The following FEZF2 variants were observed in gnomAD, a reference collection of about 807,000 sequenced individuals.
FEZF2 encodes the protein FEZ family zinc finger 2.
Under a neutral mutation model 32.8 loss-of-function variants are expected in FEZF2, and 2 were observed. The ratio of observed to expected loss-of-function variants is 0.06; its 90% CI spans 0.02 to 0.19. The LOEUF is 0.19. FEZF2 is among the 10% of genes least tolerant of loss of function. The pLI is 1.00. For synonymous variants in FEZF2, 322 were observed against 284.8 expected (o/e 1.13, Z -1.32); for missense variants, 516 against 625.4 (o/e 0.83, Z 1.87).
chr3:62,371,739 G>C, intron 2 of FEZF2, 72 bp from the exon 3 acceptor site: 1 of 1,543,310 alleles, frequency 6.5e-7, no homozygotes, highest in African/African-American at 1.4e-5. Flanking sequence ...GGGGGCCACA[G>C]CCTACCTCCC....
chr3:62,369,991 GT>G lies in FEZF2; in HGVS notation c.*91del, dbSNP rs3215030. ...AATAGATTTTAGCCTCTCTGCTATA[GT>G]TTTTTTTTCTTTTAATTTTAGAAAT... On this transcript the variant is annotated 3_prime_UTR_variant, in exon 5 of 5. Coordinates refer to ENST00000283268, the MANE Select transcript of FEZF2 (RefSeq NM_018008.4). This position sits in a 1 kb window ranked among gnomAD's most constrained non-coding sequence, Gnocchi z 4.2. 152 of 1,342,948 alleles carry G rather than the reference GT, an allele frequency of 1.1e-4. No homozygotes were observed. Among genetic ancestry groups the G allele is most frequent in the African/African-American group, 8.7e-4 (59 of 68,050 alleles). The allele number at this position is 1,342,948 out of a possible 1,614,324, so 83.2% of individuals were successfully genotyped here.
chr3:62,373,095 T>A lies in FEZF2; in HGVS notation c.-58-169A>T. The A allele has an allele frequency of 3.9e-6, 1 of 255,634 alleles. No homozygotes were observed. The highest frequency in any genetic ancestry group is 1.9e-4 in the South Asian group (1 of 5,342). The allele number at this position is 255,634 out of a possible 1,614,324, so 15.8% of individuals were successfully genotyped here. A position where few individuals can be genotyped will look rare whatever the true frequency, so the allele number is the denominator to read the frequency against. On this transcript the variant is annotated intron_variant, in intron 1 of 4. Coordinates refer to ENST00000283268, the MANE Select transcript of FEZF2 (RefSeq NM_018008.4). The surrounding 1 kb of genome is among the most constrained non-coding windows in gnomAD (Gnocchi z 5.5). ...CAAAGGAACCCACCAGCCCCTGCCC[T>A]GGGACTTTGAAAGGGGGAAGAAGGG...
chr3:62,371,305 G>C lies in FEZF2; in HGVS notation c.1032C>G (p.Arg344=). 6.2e-7 allele frequency: 1 copy of C among 1,614,272 alleles called. No homozygotes were observed. Among genetic ancestry groups the C allele is most frequent in the Middle Eastern group, 1.6e-4 (1 of 6,062 alleles). Residue 344 remains arginine (R), a synonymous_variant, in exon 4 of 5, where the codon CGC becomes CGG. Coordinates refer to ENST00000283268, the MANE Select transcript of FEZF2 (RefSeq NM_018008.4). ...KCNQCGKAFN[R]SSTLNTHIRI... ...GGATATGCGTGTTGAGCGTGGAGCT[G>C]CGGTTGAACGCTTTGCCGCACTGGT...
intron 2 of FEZF2, 31 bp from the exon 3 acceptor site, chr3:62,371,698 C>T: frequency 6.3e-7 from 1 of 1,589,890 alleles, no homozygotes; most frequent in South Asian, 1.1e-5. Context: ...CCTTGTGGTG[C>T]GTCTGTCCGA....
intron 2 of FEZF2, 110 bp downstream of exon 2, chr3:62,371,907 A>T (rs1432813367): frequency 6.8e-7 from 1 of 1,462,262 alleles, no homozygotes; most frequent in African/African-American, 1.4e-5. Flanking sequence ...TTGGGTAGTC[A>T]ACTACTGGGG....
In FEZF2 at chr3:62,372,527, GCCGCCGCCGCCACCGCCGCCGCCGCCT is replaced by G. The variant is rs778332587; in HGVS notation, c.315_341del (p.Gly109_Gly117del). The G allele has an allele frequency of 8.5e-6, 11 of 1,297,706 alleles. No homozygotes were observed. The highest frequency in any genetic ancestry group is 1.1e-5 in the Non-Finnish European group (11 of 1,023,560). The allele number at this position is 1,297,706 out of a possible 1,614,324, so 80.4% of individuals were successfully genotyped here. A position where few individuals can be genotyped will look rare whatever the true frequency, so the allele number is the denominator to read the frequency against. On this transcript the variant is annotated inframe_deletion, in exon 2 of 5. Transcript: ENST00000283268. This position sits in a 1 kb window ranked among gnomAD's most constrained non-coding sequence, Gnocchi z 9.6. ...CGCCGCACACTGGGGCCCCCCCGCCGCCGCCGCCGCCACCGCCGCCGCCGCCTCCGCCGCCGCCCGCCCGGAGGCTGC... is the reference window on the plus strand; with the variant it reads ...CGCCGCACACTGGGGCCCCCCCGCCGCCGCCGCCGCCCGCCCGGAGGCTGC...
Position 62,372,090 on chromosome 3 carries a change from T to G in FEZF2, c.779A>C (p.Lys260Thr), listed in dbSNP as rs1262568378. Residue 260 changes from lysine (K) to threonine (T), a missense_variant, in exon 2 of 5, where the codon AAG becomes ACG. Transcript: ENST00000283268. The surrounding 1 kb of genome is among the most constrained non-coding windows in gnomAD (Gnocchi z 9.6). ...GCCTCCTGGCAGCTTGCTGTGGCCCTTGACGCCTCCGCGCTCGGCAGTCAG... is the reference window on the plus strand; with the variant it reads ...GCCTCCTGGCAGCTTGCTGTGGCCCGTGACGCCTCCGCGCTCGGCAGTCAG... ...SALTAERGGVKGHSKLPGGSA... is the reference protein window; with the variant it reads ...SALTAERGGVTGHSKLPGGSA... 2 of 1,607,750 alleles carry G rather than the reference T, an allele frequency of 1.2e-6. No individual in the cohort carries two copies. The highest frequency in any genetic ancestry group is 1.3e-5 in the African/African-American group (1 of 74,898).
At chr3:62,371,068 C>A in intron 4 of FEZF2, 149 bp downstream of exon 4, 1 of 1,204,202 alleles carries the variant, frequency 8.3e-7, no homozygotes. Context: ...TCCCCCTACA[C>A]CAGGCACAAC....
At chr3:62,371,917 G>C in intron 2 of FEZF2, 100 bp downstream of exon 2, 1 of 1,490,074 alleles carries the variant, frequency 6.7e-7, no homozygotes, top group Non-Finnish European at 8.9e-7. Context: ...AACTACTGGG[G>C]AGCTCCTCAG....
rs994726995 is a variant in FEZF2 at position 62,370,493 on chromosome 3, A to G, written c.1121-151T>C. ...ACCTCTTCGAGTGAAGAAGTTGTCA[A>G]ACTTCGTAAGCGTCAAGCCGGGTGC... On this transcript the variant is annotated intron_variant, in intron 4 of 4. Coordinates refer to ENST00000283268, the MANE Select transcript of FEZF2 (RefSeq NM_018008.4). The surrounding 1 kb of genome is among the most constrained non-coding windows in gnomAD (Gnocchi z 4.2). 3.9e-6 allele frequency: 3 copies of G among 777,740 alleles called. No homozygotes were observed. Among genetic ancestry groups the G allele is most frequent in the Non-Finnish European group, 4.1e-6 (2 of 482,680 alleles). 48.2% of individuals were successfully genotyped at this position (777,740 alleles called of 1,614,324 possible). A position where few individuals can be genotyped will look rare whatever the true frequency, so the allele number is the denominator to read the frequency against.
Position 62,372,324 on chromosome 3 carries a change from G to A in FEZF2, c.545C>T (p.Pro182Leu). ...GAGGTGGCCGCTGAGGAGCTCAGAC[G>A]GCGGGTACGCGGTCGAGTCCAGGTA... is the stretch of plus-strand genomic sequence containing the variant. ...FNYLDSTAYP[P>L]SELLSGHLFP... The change falls in exon 2 of 5, where the codon CCG becomes CTG. Residue 182 changes from proline to leucine, a missense_variant. Physicochemically the swap from Pro to Leu is moderately conservative, Grantham distance 98. This residue lies in a region of FEZF2 where 408 missense variants were observed against 382.2 expected (regional missense o/e 1.07). Transcript: ENST00000283268. This position sits in a 1 kb window ranked among gnomAD's most constrained non-coding sequence, Gnocchi z 9.6. The A allele has an allele frequency of 6.2e-7, 1 of 1,609,982 alleles. No homozygotes were observed. The highest frequency in any genetic ancestry group is 8.5e-7 in the Non-Finnish European group (1 of 1,179,272).
In FEZF2 at chr3:62,372,512, T is replaced by G. The variant is rs1704287279; in HGVS notation, c.357A>C (p.Pro119=). Residue 119 remains proline, a synonymous_variant, in exon 2 of 5, where the codon CCA becomes CCC. Transcript: ENST00000283268. This position sits in a 1 kb window ranked among gnomAD's most constrained non-coding sequence, Gnocchi z 9.6. ...TGCACAAGCCGCTGGCGCCGCACAC[T>G]GGGGCCCCCCCGCCGCCGCCGCCGC... ...GGGGGGGGGA[P]VCGASGLCKT... The G allele has an allele frequency of 7.5e-7, 1 of 1,330,654 alleles. No homozygotes were observed. Among genetic ancestry groups the G allele is most frequent in the Non-Finnish European group, 9.6e-7 (1 of 1,041,046 alleles). 82.4% of individuals were successfully genotyped at this position (1,330,654 alleles called of 1,614,324 possible). A position where few individuals can be genotyped will look rare whatever the true frequency, so the allele number is the denominator to read the frequency against.
In FEZF2 at chr3:62,371,123, T is replaced by G. The variant is rs1206805920; in HGVS notation, c.1120+94A>C. 1.6e-5 allele frequency: 25 copies of G among 1,587,710 alleles called. No individual in the cohort carries two copies. The East Asian group carries it at 5.6e-4, about 36-fold the overall frequency. On this transcript the variant is annotated intron_variant, in intron 4 of 4. Transcript: ENST00000283268. ...GCGCCCGCGCCTGCAGATTTCGCCT[T>G]CTCTCTCCAGATCCCTCTTTGCCTT...
In FEZF2 at chr3:62,370,310, C is replaced by T. The variant is rs372862486; in HGVS notation, c.1153G>A (p.Gly385Ser). ...NYKNHKLTHS[G>S]EKQYKCTICN... ...ATGGTACATTTGTACTGCTTCTCGC[C>T]GCTGTGGGTCAGCTTGTGGTTCTTG... The change falls in exon 5 of 5, where the codon GGC (glycine) becomes AGC (serine). Residue 385 changes from glycine (G) to serine (S), a missense_variant. By Grantham distance (56) the Gly-to-Ser change is moderately conservative (BLOSUM62 0). Transcript: ENST00000283268. The surrounding 1 kb of genome is among the most constrained non-coding windows in gnomAD (Gnocchi z 4.2). The T allele has an allele frequency of 8.7e-6, 14 of 1,614,084 alleles. No individual in the cohort carries two copies. The highest frequency in any genetic ancestry group is 1.2e-5 in the Non-Finnish European group (14 of 1,180,060).
In FEZF2 at chr3:62,372,263, G is replaced by C; in HGVS notation, c.606C>G (p.Ala202=). Residue 202 remains alanine, a synonymous_variant, in exon 2 of 5, where the codon GCC becomes GCG. Transcript: ENST00000283268. The surrounding 1 kb of genome is among the most constrained non-coding windows in gnomAD (Gnocchi z 9.6). The stretch of plus-strand genomic sequence containing the variant: ...AGAGCTTGGGGTGAGCAGCCAGGGC[G>C]GCGGGGGCCTGCGCATTGAGGAGGC... ...PSGLLNAQAP[A]ALAAHPKLFL... 6.3e-7 allele frequency: 1 copy of C among 1,588,578 alleles called. No homozygotes were observed. Among genetic ancestry groups the C allele is most frequent in the Non-Finnish European group, 8.6e-7 (1 of 1,167,640 alleles).
Position 62,370,412 on chromosome 3 carries a change from C to T in FEZF2, c.1121-70G>A. On this transcript the variant is annotated intron_variant, in intron 4 of 4. Transcript: ENST00000283268. The surrounding 1 kb of genome is among the most constrained non-coding windows in gnomAD (Gnocchi z 4.2). ...TGGTGGGGAGGAAGAGGCGGGCGTCCCAGGGGCAGCCCAGGTGCCTGCTCA... is the reference window on the plus strand; with the variant it reads ...TGGTGGGGAGGAAGAGGCGGGCGTCTCAGGGGCAGCCCAGGTGCCTGCTCA... The T allele has an allele frequency of 1.3e-6, 2 of 1,553,998 alleles. No individual in the cohort carries two copies. The highest frequency in any genetic ancestry group is 1.8e-6 in the Non-Finnish European group (2 of 1,137,942).
rs549157447 is a variant in FEZF2 at position 62,371,079 on chromosome 3, C to A, written c.1120+138G>T. The A allele has an allele frequency of 5.4e-4, 710 of 1,314,016 alleles. 2 individuals are homozygous for A. The South Asian group carries it at 8.5e-3, about 16-fold the overall frequency. 81.4% of individuals were successfully genotyped at this position (1,314,016 alleles called of 1,614,324 possible). On this transcript the variant is annotated intron_variant, in intron 4 of 4. Transcript: ENST00000283268. The stretch of plus-strand genomic sequence containing the variant: ...AGCTTCCCCCTACACCAGGCACAAC[C>A]CGATTCTAAAGAAATGCTGCGCCCG...
chr3:62,371,730 G>A (rs370551561), intron 2 of FEZF2, 63 bp from the exon 3 acceptor site: 450 of 1,556,398 alleles, frequency 2.9e-4, no homozygotes, highest in Middle Eastern at 2.7e-3. Context: ...CAGCCCCGGG[G>A]GGGCCACAGC....
At chr3:62,371,011 C>G (rs569211264) in intron 4 of FEZF2, among the ~76,000 whole-genome samples, 3 of 152,338 alleles carry the variant, frequency 2.0e-5, no homozygotes, top group African/African-American at 7.2e-5. Flanking sequence ...TCTCTCAGTG[C>G]ACCCAGCCTG....
Sources: gnomAD v4.1 joint callset for allele counts (sites outside exome capture counted in the v4.1 genomes callset) on GRCh38, gnomAD v4.1.1 for gene constraint, gnomAD v4.1.1 regional missense constraint, Gnocchi (gnomAD v3.1) non-coding constraint, MANE v1.5 for transcripts, NCBI Gene and HGNC (gene_info 2026-07-23, HGNC 2026-07-21) for gene names.